The following STT3A variants were observed in gnomAD, a reference collection of about 807,000 sequenced individuals.
STT3A encodes the protein dolichyl-diphosphooligosaccharide--protein glycosyltransferase subunit STT3A.
In STT3A, 34 loss-of-function variants were observed where a neutral mutation model predicts 89.2. That is an observed-to-expected ratio of 0.38 (90% CI 0.29 to 0.51). The LOEUF is 0.51. Among genes scored for constraint, STT3A ranks in the 20% least tolerant of loss-of-function variants. STT3A has a pLI of 0.89. For synonymous variants in STT3A, 282 were observed against 310.3 expected (o/e 0.91, Z 0.96); for missense variants, 555 against 889.5 (o/e 0.62, Z 4.78).
intron 11 of STT3A, among the ~76,000 whole-genome samples, chr11:125,611,863 ATTTTT>A (rs59685125): frequency 5.3e-5 from 3 of 56,972 alleles, no homozygotes; most frequent in South Asian, 8.1e-4. Context: ...AGGGATTTGA[ATTTTT>A]TTTTTTTTTT....
rs866940809 is a variant in STT3A at position 125,619,866 on chromosome 11, T to C, written c.1964-145T>C. The C allele has an allele frequency of 1.3e-5, 8 of 639,500 alleles. No individual in the cohort carries two copies. The Middle Eastern group carries it at 1.3e-3, about 103-fold the overall frequency. The allele number at this position is 639,500 out of a possible 1,614,324, so 39.6% of individuals were successfully genotyped here. ...CACTTGATTTGCCCTTACTACCTCA[T>C]GCCCTTTTTTGCAGGCTCTACTCTC... On this transcript the variant is annotated intron_variant, in intron 16 of 17. Transcript: ENST00000392708.
chr11:125,595,209 T>C (rs1201441690), intron 1 of STT3A, among the ~76,000 whole-genome samples: 2 of 151,696 alleles, frequency 1.3e-5, no homozygotes, highest in Non-Finnish European at 2.9e-5. Context: ...TCTGGCTCTA[T>C]TGTCCAGGCT....
intron 1 of STT3A, among the ~76,000 whole-genome samples, chr11:125,595,588 C>T (rs1939467865): frequency 6.6e-6 from 1 of 151,968 alleles, no homozygotes. Flanking sequence ...TTGTGCTATA[C>T]TATTGCTAAT....
chr11:125,623,084 A>T lies in STT3A; in HGVS notation c.*2274A>T, dbSNP rs994626433. The T allele has an allele frequency of 6.4e-6, 1 of 157,160 alleles. No homozygotes were observed. The highest frequency in any genetic ancestry group is 1.4e-5 in the Non-Finnish European group (1 of 72,338). The allele number at this position is 157,160 out of a possible 1,614,324, so 9.7% of individuals were successfully genotyped here. A position where few individuals can be genotyped will look rare whatever the true frequency, so the allele number is the denominator to read the frequency against. On this transcript the variant is annotated 3_prime_UTR_variant, in exon 18 of 18. Transcript: ENST00000392708. The stretch of plus-strand genomic sequence containing the variant: ...AGACTGTCTCAAAAAAAAAAAAAAA[A>T]AAAAAAAAGAGTGGGACCCAAAAAA...
chr11:125,605,011 A>T (rs535617098), intron 6 of STT3A, among the ~76,000 whole-genome samples: 50 of 152,246 alleles, frequency 3.3e-4, no homozygotes, highest in Non-Finnish European at 5.3e-4. Flanking sequence ...CTGAAGTGGG[A>T]GGATCGCTTG....
At chr11:125,608,587 A>G (rs530303560) in intron 9 of STT3A, among the ~76,000 whole-genome samples, 1 of 152,276 alleles carries the variant, frequency 6.6e-6, no homozygotes, top group African/African-American at 2.4e-5. Context: ...CGGCCTCCCA[A>G]ATTGCTGGGA....
At chr11:125,615,707 A>G (rs1265916422) in intron 15 of STT3A, among the ~76,000 whole-genome samples, 1 of 152,182 alleles carries the variant, frequency 6.6e-6, no homozygotes, top group East Asian at 1.9e-4. Flanking sequence ...GAGGGGATAT[A>G]TAAGTTAGAC....
intron 2 of STT3A, 82 bp from the exon 3 acceptor site, chr11:125,596,977 A>T (rs1222996627): frequency 6.9e-7 from 1 of 1,452,424 alleles, no homozygotes; most frequent in African/African-American, 1.4e-5. Flanking sequence ...CTACTGGATA[A>T]TACTGTCTTC....
At position 125,613,222 on chromosome 11, in the gene STT3A, G is replaced by T; in HGVS notation, c.1554+45G>T. ...GGGAATTGTGGGTTAGGGGCAAAGG[G>T]GAAGACATTTGATGTTACAGTGAAT... is the stretch of plus-strand genomic sequence containing the variant. On this transcript the variant is annotated intron_variant, in intron 13 of 17. Transcript: ENST00000392708. This position sits in a 1 kb window ranked among gnomAD's most constrained non-coding sequence, Gnocchi z 4.2. The T allele has an allele frequency of 6.3e-7, 1 of 1,598,874 alleles. No homozygotes were observed. Among genetic ancestry groups the T allele is most frequent in the Non-Finnish European group, 8.5e-7 (1 of 1,169,974 alleles).
rs117048174 is a variant in STT3A, at chr11:125,617,433, C to T, written c.1775-940C>T. On this transcript the variant is annotated intron_variant, in intron 15 of 17. Transcript: ENST00000392708. Reference sequence around the variant, plus strand: ...GGATCCAGAGTCTGTTCTTAACCACCGTGATATCCCCTCGAACTCTTTGCA... The same window carrying T: ...GGATCCAGAGTCTGTTCTTAACCACTGTGATATCCCCTCGAACTCTTTGCA... Among the ~76,000 whole-genome samples the T allele has an allele frequency of 1.6e-3, 246 of 152,248 alleles. 10 individuals are homozygous for T. In the East Asian group the frequency reaches 0.037, roughly 23 times the overall value.
chr11:125,601,466 C>A (rs755884606), intron 3 of STT3A, among the ~76,000 whole-genome samples: 1 of 152,020 alleles, frequency 6.6e-6, no homozygotes, highest in Non-Finnish European at 1.5e-5. Flanking sequence ...ACTAAAAATA[C>A]AAAAATTAGC....
chr11:125,620,024 C>A lies in STT3A; in HGVS notation c.1977C>A (p.Gly659=). The part of the protein sequence containing the change: ...QVYTEAKRPP[G]FDRVRNAEIG... ...ATCCCTCTCTAGAGCGTCCTCCAGG[C>A]TTTGACCGTGTCCGAAATGCTGAGA... The change falls in exon 17 of 18, where the codon GGC becomes GGA. Residue 659 remains glycine, a synonymous_variant. Transcript: ENST00000392708. The A allele has an allele frequency of 6.2e-7, 1 of 1,614,026 alleles. No homozygotes were observed. The highest frequency in any genetic ancestry group is 8.5e-7 in the Non-Finnish European group (1 of 1,179,958).
intron 3 of STT3A, 118 bp downstream of exon 3, chr11:125,597,237 G>T: frequency 9.7e-7 from 1 of 1,035,350 alleles, no homozygotes; most frequent in African/African-American, 1.6e-5. Flanking sequence ...GTACATTTAA[G>T]GGAAAAAAAA....
In STT3A at chr11:125,602,945, C is replaced by G; in HGVS notation, c.414C>G (p.Leu138=). 1 of 1,613,974 alleles carries G rather than the reference C, an allele frequency of 6.2e-7. No individual in the cohort carries two copies. The highest frequency in any genetic ancestry group is 1.1e-5 in the South Asian group (1 of 91,048). ...TIVTYHLTKE[L]KDAGAGLLAA... is the part of the protein sequence containing the mutation. ...TCACGTACCACCTTACCAAAGAGCTCAAGGTGAAGGATTTGGGGTGACAGG... is the reference window on the plus strand; with the variant it reads ...TCACGTACCACCTTACCAAAGAGCTGAAGGTGAAGGATTTGGGGTGACAGG... The change falls in exon 5 of 18, where the codon CTC becomes CTG. Residue 138 remains leucine (L), a synonymous_variant. Transcript: ENST00000392708.
chr11:125,601,601 C>G (rs1250266209), intron 3 of STT3A, among the ~76,000 whole-genome samples: 6 of 151,424 alleles, frequency 4.0e-5, no homozygotes, highest in African/African-American at 1.5e-4. Flanking sequence ...CCAGCCTGGG[C>G]AACAAGAGCG....
upstream of STT3A, chr11:125,592,575 T>C: frequency 2.3e-6 from 1 of 442,266 alleles, no homozygotes; most frequent in South Asian, 1.6e-5. Context: ...AACCGACACG[T>C]CACTCCTCGG....
intron 5 of STT3A, 77 bp from the exon 6 acceptor site, chr11:125,604,079 AG>A (rs1939766445): frequency 4.1e-6 from 6 of 1,452,160 alleles, no homozygotes; most frequent in Middle Eastern, 1.8e-4. Context: ...CATTATAAAC[AG>A]AATGGACTAG....
intron 16 of STT3A, 89 bp from the exon 17 acceptor site, chr11:125,619,922 A>G (rs748326283): frequency 8.2e-6 from 9 of 1,098,790 alleles, no homozygotes; most frequent in Non-Finnish European, 9.3e-6. Flanking sequence ...ATAATCATCA[A>G]TTAGTAGATG....
chr11:125,597,603 ATTC>A (rs1939534519), intron 3 of STT3A, among the ~76,000 whole-genome samples: 1 of 152,200 alleles, frequency 6.6e-6, no homozygotes. Context: ...CCTGGTGTGT[ATTC>A]CAGGCTCAGA....
Sources: allele counts gnomAD v4.1 joint callset (sites outside exome capture counted in the v4.1 genomes callset), GRCh38; gene constraint gnomAD v4.1.1; non-coding constraint Gnocchi (gnomAD v3.1); transcripts MANE v1.5; gene names NCBI Gene and HGNC (gene_info 2026-07-23, HGNC 2026-07-21).